ITFG1: variants seen among roughly 807,000 people sequenced by gnomAD.
ITFG1 encodes the protein T-cell immunomodulatory protein.
A neutral mutation model predicts 81.8 loss-of-function variants in ITFG1; 34 were observed. The observed-to-expected ratio is 0.42, with a 90% confidence interval of 0.32 to 0.55. ITFG1 has a LOEUF of 0.55. Among genes scored for constraint, ITFG1 ranks in the 20% least tolerant of loss-of-function variants. The pLI is 0.17. For synonymous variants in ITFG1, 285 were observed against 270.6 expected, an observed-to-expected ratio of 1.05 and a Z score of -0.52; for missense variants, 672 against 755.4, an observed-to-expected ratio of 0.89 and a Z score of 1.29.
chr16:47,289,302 C>T (rs1966883143), intron 10 of ITFG1, among the ~76,000 whole-genome samples: 1 of 152,152 alleles, frequency 6.6e-6, no homozygotes, highest in Non-Finnish European at 1.5e-5. Context: ...ACATATTAAA[C>T]TGTACTATTC....
At chr16:47,412,287 G>T (rs370009517) in intron 6 of ITFG1, among the ~76,000 whole-genome samples, 1 of 152,106 alleles carries the variant, frequency 6.6e-6, no homozygotes, top group South Asian at 2.1e-4. Context: ...GACAGTCATA[G>T]AATTCAGAAT....
intron 10 of ITFG1, among the ~76,000 whole-genome samples, chr16:47,296,538 C>T (rs1011623173): frequency 5.9e-5 from 9 of 152,108 alleles, no homozygotes; most frequent in South Asian, 2.1e-4. Context: ...CGGATTCAAG[C>T]GATTCTCCTG....
intron 5 of ITFG1, 100 bp from the exon 6 acceptor site, chr16:47,428,998 TTTCA>T: frequency 1.4e-6 from 1 of 695,304 alleles, no homozygotes; most frequent in East Asian, 2.7e-5. Context: ...ATTTATTTAT[TTTCA>T]TTGATATATT....
At chr16:47,198,046 A>G (rs1249250852) in intron 14 of ITFG1, among the ~76,000 whole-genome samples, 1 of 152,244 alleles carries the variant, frequency 6.6e-6, no homozygotes. Context: ...TCAGACTGTT[A>G]TTACGGATTG....
chr16:47,364,958 C>T (rs377567714), intron 8 of ITFG1, among the ~76,000 whole-genome samples: 7 of 152,340 alleles, frequency 4.6e-5, no homozygotes, highest in African/African-American at 1.2e-4. Flanking sequence ...GGGCTATAGG[C>T]GAGAGCCACT....
intron 14 of ITFG1, among the ~76,000 whole-genome samples, chr16:47,182,041 C>T (rs993308286): frequency 3.9e-5 from 6 of 152,116 alleles, no homozygotes; most frequent in Admixed American, 1.3e-4. Flanking sequence ...GACACAAACA[C>T]TGCGGAAGGC....
In ITFG1 at chr16:47,461,058, G is replaced by GC; in HGVS notation, c.-14dup. 1 of 1,519,392 alleles carries GC rather than the reference G, an allele frequency of 6.6e-7. No homozygotes were observed. The highest frequency in any genetic ancestry group is 8.8e-7 in the Non-Finnish European group (1 of 1,138,926). The allele number at this position is 1,519,392 out of a possible 1,614,324, so 94.1% of individuals were successfully genotyped here. A position where few individuals can be genotyped will look rare whatever the true frequency, so the allele number is the denominator to read the frequency against. The stretch of plus-strand genomic sequence containing the variant: ...CCGCCGCCGCCATGGCAGCCCCTCA[G>GC]CCCCCGCCCGCCGGCCCAACGCCGC... On this transcript the variant is annotated 5_prime_UTR_variant, in exon 1 of 18. Transcript: ENST00000320640.
intron 8 of ITFG1, among the ~76,000 whole-genome samples, chr16:47,358,884 G>A (rs1435300455): frequency 6.6e-6 from 1 of 152,176 alleles, no homozygotes; most frequent in African/African-American, 2.4e-5. Flanking sequence ...GGGCACATGA[G>A]TAGAATGAAT....
rs145648127 is a variant in ITFG1, at chr16:47,290,665, C to T, written c.1070+20575G>A. Among the ~76,000 whole-genome samples the T allele has an allele frequency of 4.4e-4, 67 of 152,104 alleles. 1 individual carries two copies. The highest frequency in any genetic ancestry group is 1.4e-3 in the African/African-American group (60 of 41,512). ...TCTGTTTGTGTGGAACATCTTTTACCGTCTCTTCACTTGCAGTCTATATGT... is the reference window on the plus strand; with the variant it reads ...TCTGTTTGTGTGGAACATCTTTTACTGTCTCTTCACTTGCAGTCTATATGT... On this transcript the variant is annotated intron_variant, in intron 10 of 17. Coordinates refer to ENST00000320640, the MANE Select transcript of ITFG1 (RefSeq NM_030790.5).
chr16:47,433,728 G>A (rs1969122006), intron 5 of ITFG1, among the ~76,000 whole-genome samples: 1 of 148,308 alleles, frequency 6.7e-6, no homozygotes, highest in Admixed American at 6.7e-5. Context: ...TGAAAGAACA[G>A]TTGTTTCTTT....
intron 8 of ITFG1, among the ~76,000 whole-genome samples, chr16:47,340,061 A>G (rs1383349442): frequency 6.6e-6 from 1 of 152,104 alleles, no homozygotes; most frequent in Non-Finnish European, 1.5e-5. Context: ...GATGTATTTA[A>G]AACACTCAAA....
At chr16:47,300,674 T>A (rs577188506) in intron 10 of ITFG1, among the ~76,000 whole-genome samples, 35 of 152,332 alleles carry the variant, frequency 2.3e-4, no homozygotes, top group Non-Finnish European at 4.1e-4. Context: ...ATGATTCTTA[T>A]AATATACCTT....
chr16:47,178,579 G>A (rs1208752199), intron 14 of ITFG1, among the ~76,000 whole-genome samples: 2 of 152,138 alleles, frequency 1.3e-5, no homozygotes, highest in Non-Finnish European at 2.9e-5. Flanking sequence ...ATTAATTCAA[G>A]ATGGATTAAA....
At chr16:47,168,173 G>A (rs1964916899) in intron 14 of ITFG1, among the ~76,000 whole-genome samples, 1 of 152,162 alleles carries the variant, frequency 6.6e-6, no homozygotes, top group South Asian at 2.1e-4. Flanking sequence ...TTTCCTTCAT[G>A]ACCAATTATG....
intron 13 of ITFG1, among the ~76,000 whole-genome samples, chr16:47,231,111 A>G (rs917157792): frequency 5.3e-5 from 8 of 152,242 alleles, no homozygotes; most frequent in African/African-American, 1.2e-4. Context: ...TCAAGAAAAA[A>G]AGATACTGTT....
chr16:47,231,768 A>C (rs1198671928), intron 13 of ITFG1, among the ~76,000 whole-genome samples: 1 of 152,214 alleles, frequency 6.6e-6, no homozygotes, highest in Non-Finnish European at 1.5e-5. Flanking sequence ...AATTTTAACA[A>C]TAACCTTAAG....
At chr16:47,390,303 T>A (rs1163746520) in intron 6 of ITFG1, among the ~76,000 whole-genome samples, 1 of 152,144 alleles carries the variant, frequency 6.6e-6, no homozygotes, top group Non-Finnish European at 1.5e-5. Flanking sequence ...TAGCTGAAAG[T>A]TTGTTGTGAG....
In ITFG1 at chr16:47,347,425, G is replaced by A. The variant is rs1006071910; in HGVS notation, c.802+18363C>T. 7.2e-5 allele frequency among the ~76,000 whole-genome samples: 11 copies of A among 152,370 alleles called. 1 individual carries two copies. Among genetic ancestry groups the A allele is most frequent in the African/African-American group, 9.6e-5 (4 of 41,596 alleles). On this transcript the variant is annotated intron_variant, in intron 8 of 17. Transcript: ENST00000320640. ...CTGTGCATGGCTGGGAGGGTCTCACGCGCATGGGGCCTTGCTCATTGCTAG... is the reference window on the plus strand; with the variant it reads ...CTGTGCATGGCTGGGAGGGTCTCACACGCATGGGGCCTTGCTCATTGCTAG...
At chr16:47,433,623 G>A (rs1288487298) in intron 5 of ITFG1, among the ~76,000 whole-genome samples, 5 of 151,590 alleles carry the variant, frequency 3.3e-5, no homozygotes, top group Non-Finnish European at 7.4e-5. Flanking sequence ...CTATTTTACA[G>A]TTACACCTCT....
Sources: allele counts gnomAD v4.1 joint callset (sites outside exome capture counted in the v4.1 genomes callset), GRCh38; gene constraint gnomAD v4.1.1; transcripts MANE v1.5; gene names NCBI Gene and HGNC (gene_info 2026-07-23, HGNC 2026-07-21).